The following GLI2 variants were observed in gnomAD, a reference collection of about 807,000 sequenced individuals.
GLI2 encodes transcription activator GLI2.
A neutral mutation model predicts 78.9 loss-of-function variants in GLI2; 22 were observed. The ratio of observed to expected loss-of-function variants is 0.28; its 90% CI spans 0.20 to 0.40. The LOEUF is 0.40. GLI2 is among the 10% of genes least tolerant of loss of function. GLI2 has a pLI of 1.00. For synonymous variants in GLI2, 974 were observed against 963.7 expected (o/e 1.01, Z -0.20); for missense variants, 2,097 against 2,213.2 (o/e 0.95, Z 1.05).
chr2:120,773,625 C>A (rs562273689), intron 1 of GLI2, among the ~76,000 whole-genome samples: 1 of 152,164 alleles, frequency 6.6e-6, no homozygotes, highest in Non-Finnish European at 1.5e-5. Flanking sequence ...GGTACAGTAG[C>A]GGCACAGTAT....
At position 120,800,810 on chromosome 2, in the gene GLI2, G is replaced by A. The variant is rs1684673923; in HGVS notation, c.148+3342G>A. On this transcript the variant is annotated intron_variant, in intron 2 of 13. Coordinates refer to ENST00000361492, the MANE Select transcript of GLI2 (RefSeq NM_001374353.1). The surrounding 1 kb of genome is among the most constrained non-coding windows in gnomAD (Gnocchi z 4.1). Reference sequence around the variant, plus strand: ...TGTGAGCCACCGCACCCGGCCGAAAGGGATGACTTATACGAGCTTAGTGTT... The same window carrying A: ...TGTGAGCCACCGCACCCGGCCGAAAAGGATGACTTATACGAGCTTAGTGTT... Among the ~76,000 whole-genome samples the A allele has an allele frequency of 6.6e-6, 1 of 152,152 alleles. No individual in the cohort carries two copies. Among genetic ancestry groups the A allele is most frequent in the African/African-American group, 2.4e-5 (1 of 41,420 alleles).
intron 2 of GLI2, among the ~76,000 whole-genome samples, chr2:120,816,842 G>A (rs1030238786): frequency 3.9e-5 from 6 of 152,160 alleles, no homozygotes; most frequent in African/African-American, 1.4e-4. Flanking sequence ...TATTTTAAAA[G>A]CCTTTTCGCC....
At position 120,943,663 on chromosome 2, in the gene GLI2, T is replaced by C. The variant is rs368826124; in HGVS notation, c.255-7580T>C. On this transcript the variant is annotated intron_variant, in intron 3 of 13. Transcript: ENST00000361492. ...GCAGTGCTGTCTGTTAAATGGGACA[T>C]GAAGGAGCTGTTCCTGCCTGTGTCT... Among the ~76,000 whole-genome samples the C allele has an allele frequency of 5.9e-5, 9 of 152,300 alleles. No homozygotes were observed. In the East Asian group the frequency reaches 7.7e-4, roughly 13 times the overall value.
intron 1 of GLI2, among the ~76,000 whole-genome samples, chr2:120,769,110 C>T (rs963898330): frequency 1.3e-5 from 2 of 152,188 alleles, no homozygotes; most frequent in African/African-American, 4.8e-5. Flanking sequence ...GGAAGTAGCT[C>T]CTTCCTCCCA....
intron 2 of GLI2, 96 bp downstream of exon 2, chr2:120,797,564 C>A: frequency 8.1e-7 from 1 of 1,228,520 alleles, no homozygotes; most frequent in Non-Finnish European, 1.2e-6. Flanking sequence ...GTCAGGGAGG[C>A]ATGCTGGGTT....
At chr2:120,747,091 C>T (rs189839184) in intron 1 of GLI2, among the ~76,000 whole-genome samples, 5 of 152,242 alleles carry the variant, frequency 3.3e-5, no homozygotes, top group African/African-American at 1.2e-4. Flanking sequence ...ACCTGAAATT[C>T]TGTTTCCTTA....
chr2:120,926,898 GGGCCGTGCCATCACAAAT>G (rs1178584160), intron 2 of GLI2, among the ~76,000 whole-genome samples: 1 of 152,234 alleles, frequency 6.6e-6, no homozygotes, highest in African/African-American at 2.4e-5. Flanking sequence ...CACCGTCTGT[GGGCCGTGCCATCACAAAT>G]GGCTCTAGGT....
chr2:120,936,872 T>C (rs1680222287), intron 3 of GLI2, among the ~76,000 whole-genome samples: 1 of 152,156 alleles, frequency 6.6e-6, no homozygotes, highest in South Asian at 2.1e-4. Context: ...CCAGCCCGAG[T>C]CAAGGTGTTG....
intron 3 of GLI2, among the ~76,000 whole-genome samples, chr2:120,933,076 C>A (rs949586020): frequency 6.6e-6 from 1 of 152,160 alleles, no homozygotes; most frequent in Admixed American, 6.5e-5. Context: ...CCTGCCAGAG[C>A]TGCCACAGTG....
chr2:120,799,954 G>A (rs1165841036), intron 2 of GLI2, among the ~76,000 whole-genome samples: 3 of 152,208 alleles, frequency 2.0e-5, no homozygotes, highest in Admixed American at 6.5e-5. Context: ...TCATCTCTAG[G>A]TCTCAGCATC....
Position 120,991,843 on chromosome 2 carries a change from G to A in GLI2, c.*1168G>A, listed in dbSNP as rs1324700068. 6.6e-6 allele frequency: 1 copy of A among 152,290 alleles called. No individual in the cohort carries two copies. The highest frequency in any genetic ancestry group is 1.5e-5 in the Non-Finnish European group (1 of 68,026). The allele number at this position is 152,290 out of a possible 1,614,324, so 9.4% of individuals were successfully genotyped here. ...TGACATGTGTAGGTGGTGTGGTTGG[G>A]GGTGGAAAGGGGAAGGGGTTGATCC... is the stretch of plus-strand genomic sequence containing the variant. On this transcript the variant is annotated 3_prime_UTR_variant, in exon 14 of 14. Transcript: ENST00000361492.
intron 1 of GLI2, among the ~76,000 whole-genome samples, chr2:120,796,698 A>T (rs929909011): frequency 6.6e-6 from 1 of 152,212 alleles, no homozygotes; most frequent in Non-Finnish European, 1.5e-5. Context: ...GTTTGCCCCC[A>T]AGGAGAATGT....
At chr2:120,743,793 G>A (rs1285873710) in intron 1 of GLI2, among the ~76,000 whole-genome samples, 2 of 152,332 alleles carry the variant, frequency 1.3e-5, no homozygotes, top group African/African-American at 4.8e-5. Context: ...GGTCCTCCCA[G>A]CTTCAAAACC....
chr2:120,870,462 G>A (rs1432071699), intron 2 of GLI2, among the ~76,000 whole-genome samples: 1 of 152,112 alleles, frequency 6.6e-6, no homozygotes, highest in African/African-American at 2.4e-5. Context: ...ATTTCACAGG[G>A]GAGGAAACTG....
chr2:120,736,811 C>T (rs1398973804), intron 1 of GLI2, among the ~76,000 whole-genome samples: 1 of 151,914 alleles, frequency 6.6e-6, no homozygotes, highest in African/African-American at 2.4e-5. Context: ...CTTCCTTCCT[C>T]AATCCTTCCT....
At chr2:120,880,922 CT>C (rs1448940714) in intron 2 of GLI2, among the ~76,000 whole-genome samples, 3 of 152,168 alleles carry the variant, frequency 2.0e-5, no homozygotes, top group Admixed American at 1.3e-4. Context: ...ATATCCCCCC[CT>C]GCCCCCACCA....
intron 1 of GLI2, among the ~76,000 whole-genome samples, chr2:120,782,859 T>A (rs78918657): frequency 6.6e-6 from 1 of 152,340 alleles, no homozygotes; most frequent in East Asian, 1.9e-4. Flanking sequence ...GGTTGAGAAC[T>A]GCTGCTGTAG....
intron 2 of GLI2, among the ~76,000 whole-genome samples, chr2:120,910,782 G>T (rs1678777941): frequency 6.6e-6 from 1 of 152,334 alleles, no homozygotes; most frequent in East Asian, 1.9e-4. Context: ...CCCCTCCCCT[G>T]GGTCCCTCCC....
chr2:120,824,393 G>A (rs1467350599), intron 2 of GLI2, among the ~76,000 whole-genome samples: 2 of 152,262 alleles, frequency 1.3e-5, no homozygotes, highest in African/African-American at 2.4e-5. Flanking sequence ...TTACAGGGGT[G>A]TGGGCCCCCA....
Sources: gnomAD v4.1 joint callset for allele counts (sites outside exome capture counted in the v4.1 genomes callset) on GRCh38, gnomAD v4.1.1 for gene constraint, Gnocchi (gnomAD v3.1) non-coding constraint, MANE v1.5 for transcripts, NCBI Gene and HGNC (gene_info 2026-07-23, HGNC 2026-07-21) for gene names.